ACLY: variants seen among roughly 807,000 people sequenced by gnomAD.
ACLY encodes ATP-citrate synthase.
Under a neutral mutation model 133.0 loss-of-function variants are expected in ACLY, and 41 were observed. The ratio of observed to expected loss-of-function variants is 0.31; its 90% CI spans 0.24 to 0.40. The LOEUF (loss-of-function observed/expected upper bound fraction) is 0.40, where lower values mean the gene tolerates loss of function less well. ACLY is among the 10% of genes least tolerant of loss of function. ACLY has a pLI of 1.00. For missense variants in ACLY, 1,046 were observed against 1,453.8 expected, an observed-to-expected ratio of 0.72 and a Z score of 4.56; for synonymous variants, 495 against 549.3, an observed-to-expected ratio of 0.90 and a Z score of 1.38.
intron 10 of ACLY, among the ~76,000 whole-genome samples, chr17:41,904,116 G>A (rs2049622461): frequency 7.0e-6 from 1 of 143,608 alleles, no homozygotes; most frequent in African/African-American, 2.6e-5. Context: ...AAACTCCATG[G>A]AAGGAAGAAA....
chr17:41,896,841 T>C (rs2049382497), intron 13 of ACLY, among the ~76,000 whole-genome samples, 192 bp from the exon 14 acceptor site: 2 of 152,096 alleles, frequency 1.3e-5, no homozygotes, highest in South Asian at 4.1e-4. Context: ...ATGAGCAGAA[T>C]GGAAGCAAGA....
chr17:41,888,505 C>T lies in ACLY; in HGVS notation c.1771-802G>A, dbSNP rs143307937. On this transcript the variant is annotated intron_variant, in intron 16 of 28. Coordinates refer to ENST00000352035, the MANE Select transcript of ACLY (RefSeq NM_001096.3). The stretch of plus-strand genomic sequence containing the variant: ...GCTGCTTCTACACTCAGCCCAGAGG[C>T]GGGGTGGGAGGGGCATGGGACAGAT... 2.2e-4 allele frequency among the ~76,000 whole-genome samples: 34 copies of T among 152,252 alleles called. No homozygotes were observed. The East Asian group carries it at 3.1e-3, about 14-fold the overall frequency.
intron 26 of ACLY, 61 bp from the exon 27 acceptor site, chr17:41,869,186 T>G: frequency 6.8e-7 from 1 of 1,465,556 alleles, no homozygotes; most frequent in South Asian, 1.2e-5. Flanking sequence ...TTCATAATTT[T>G]CCACTGTCAC....
At chr17:41,906,146 C>A (rs2049710524) in intron 8 of ACLY, among the ~76,000 whole-genome samples, 1 of 152,070 alleles carries the variant, frequency 6.6e-6, no homozygotes, top group Non-Finnish European at 1.5e-5. Context: ...TTCTATAAAG[C>A]AAAGAGTATA....
chr17:41,913,865 G>A lies in ACLY; in HGVS notation c.9C>T (p.Ala3=), dbSNP rs782232960. Residue 3 remains alanine, a synonymous_variant, in exon 2 of 29, where the codon GCC becomes GCT. Transcript: ENST00000352035. ...TGCCCGTCTGCTCTGAAATTGCCTTGGCCGACATGGCTGCAGAGAGACCTG... is the reference window on the plus strand; with the variant it reads ...TGCCCGTCTGCTCTGAAATTGCCTTAGCCGACATGGCTGCAGAGAGACCTG... MS[A]KAISEQTGKE... The A allele has an allele frequency of 1.9e-6, 3 of 1,614,212 alleles. No homozygotes were observed. Among genetic ancestry groups the A allele is most frequent in the Non-Finnish European group, 1.7e-6 (2 of 1,180,038 alleles).
At position 41,879,408 on chromosome 17, in the gene ACLY, C is replaced by A. The variant is rs565819309; in HGVS notation, c.2266-484G>T. Among the ~76,000 whole-genome samples, 14 of 149,098 alleles carry A rather than the reference C, an allele frequency of 9.4e-5. No homozygotes were observed. In the East Asian group the frequency reaches 2.0e-3, roughly 21 times the overall value. On this transcript the variant is annotated intron_variant, in intron 20 of 28. Coordinates refer to ENST00000352035, the MANE Select transcript of ACLY (RefSeq NM_001096.3). The stretch of plus-strand genomic sequence containing the variant: ...GGTGTGAGCCACCACGCCTGCCCCC[C>A]CCGCCTTTTTTTTTTTTTTTTTTTT...
chr17:41,881,121 G>C (rs983980126), intron 20 of ACLY, among the ~76,000 whole-genome samples: 5 of 151,722 alleles, frequency 3.3e-5, no homozygotes, highest in African/African-American at 9.7e-5. Context: ...TGGAGTTGGG[G>C]GAGAGCACTC....
At chr17:41,898,944 C>T (rs1222210761) in intron 11 of ACLY, among the ~76,000 whole-genome samples, 159 bp from the exon 12 acceptor site, 1 of 152,206 alleles carries the variant, frequency 6.6e-6, no homozygotes, top group Non-Finnish European at 1.5e-5. Flanking sequence ...ATTTCACCAC[C>T]AGACAAATCT....
In ACLY at chr17:41,918,172, G is replaced by A. The variant is rs2050105039; in HGVS notation, c.-24+708C>T. ...CCCCTTGAGGACCTTTCCCCGGCCA[G>A]ACTTGGCGTCAGCTCAAGGGTGGGG... On this transcript the variant is annotated intron_variant, in intron 1 of 28. Coordinates refer to ENST00000352035, the MANE Select transcript of ACLY (RefSeq NM_001096.3). Among the ~76,000 whole-genome samples the A allele has an allele frequency of 2.6e-5, 4 of 152,324 alleles. No individual in the cohort carries two copies. In the South Asian group the frequency reaches 6.2e-4, roughly 24 times the overall value.
At position 41,912,457 on chromosome 17, in the gene ACLY, T is replaced by G. The variant is rs782796774; in HGVS notation, c.245A>C (p.Lys82Thr). The G allele has an allele frequency of 6.2e-7, 1 of 1,614,234 alleles. No homozygotes were observed. The highest frequency in any genetic ancestry group is 8.5e-7 in the Non-Finnish European group (1 of 1,180,036). Reference sequence around the variant, plus strand: ...TCCCAGCCGTGGCTTCAGCCAGGACTTGACCCCATCCAGAGTGAGGTTGAC... The same window carrying G: ...TCCCAGCCGTGGCTTCAGCCAGGACGTGACCCCATCCAGAGTGAGGTTGAC... ...VGVNLTLDGVKSWLKPRLGQE... is the reference protein window; with the variant it reads ...VGVNLTLDGVTSWLKPRLGQE... Residue 82 changes from lysine (K) to threonine (T), a missense_variant, in exon 3 of 29, where the codon AAG becomes ACG. By Grantham distance (78) the Lys-to-Thr change is moderately conservative. This residue lies in a region of ACLY where 227 missense variants were observed against 245.6 expected (regional missense o/e 0.92). Coordinates refer to ENST00000352035, the MANE Select transcript of ACLY (RefSeq NM_001096.3).
At chr17:41,898,904 A>T in intron 11 of ACLY, 119 bp from the exon 12 acceptor site, 2 of 985,708 alleles carry the variant, frequency 2.0e-6, no homozygotes, top group Non-Finnish European at 2.9e-6. Context: ...TCAGTGCAAG[A>T]CCAATATCCA....
chr17:41,930,469 C>A lies in ACLY; in HGVS notation c.-139G>T, dbSNP rs191104295. ...GCAACTCCAGAGAGAACCGCCAGAG[C>A]GTGCAACAGCAAACACTAACCAGCC... On this transcript the variant is annotated 5_prime_UTR_variant, in exon 1 of 4. Coordinates refer to the ACLY transcript ENST00000592970. 189 of 426,472 alleles carry A rather than the reference C, an allele frequency of 4.4e-4. 1 individual carries two copies. Among genetic ancestry groups the A allele is most frequent in the African/African-American group, 1.4e-3 (72 of 49,776 alleles). 26.4% of individuals were successfully genotyped at this position (426,472 alleles called of 1,614,324 possible).
At chr17:41,904,539 ACAGCGCAGATGGG>A in intron 10 of ACLY, 177 bp downstream of exon 10, 1 of 597,506 alleles carries the variant, frequency 1.7e-6, no homozygotes, top group East Asian at 2.8e-5. Context: ...CCAGAGACAC[ACAGCGCAGATGGG>A]CAGCTCCTGT....
At chr17:41,890,322 A>AT (rs1199112356) in intron 16 of ACLY, among the ~76,000 whole-genome samples, 1 of 151,288 alleles carries the variant, frequency 6.6e-6, no homozygotes, top group Admixed American at 6.6e-5. Context: ...AATATGTAAT[A>AT]TTTTTATAAT....
chr17:41,912,362 G>A, intron 3 of ACLY, 58 bp downstream of exon 3: 2 of 1,594,304 alleles, frequency 1.3e-6, no homozygotes, highest in Admixed American at 1.7e-5. Context: ...CTGACCTGGA[G>A]GTGACCATAT....
chr17:41,926,881 T>A (rs2050249956), intron 1 of ACLY, among the ~76,000 whole-genome samples: 1 of 151,862 alleles, frequency 6.6e-6, no homozygotes, highest in Non-Finnish European at 1.5e-5. Context: ...TTTGGTCTTT[T>A]TTTTGAGATG....
At chr17:41,901,329 T>C (rs1452869785) in intron 11 of ACLY, among the ~76,000 whole-genome samples, 2 of 152,108 alleles carry the variant, frequency 1.3e-5, no homozygotes, top group Non-Finnish European at 2.9e-5. Flanking sequence ...TCCCTTTCCC[T>C]GCTTTGTTTT....
upstream of ACLY, among the ~76,000 whole-genome samples, chr17:41,923,959 C>T (rs2050211649): frequency 6.6e-6 from 1 of 151,524 alleles, no homozygotes; most frequent in Non-Finnish European, 1.5e-5. Flanking sequence ...TACAGGTGCC[C>T]GCCACCATGC....
chr17:41,903,813 G>A (rs1378446523), intron 10 of ACLY, among the ~76,000 whole-genome samples: 2 of 148,034 alleles, frequency 1.4e-5, no homozygotes, highest in Non-Finnish European at 3.0e-5. Context: ...AGAGTCTCAC[G>A]AGAGTGTTGA....
Sources: allele counts gnomAD v4.1 joint callset (sites outside exome capture counted in the v4.1 genomes callset), GRCh38; gene constraint gnomAD v4.1.1; regional missense constraint gnomAD v4.1.1; transcripts MANE v1.5; gene names NCBI Gene and HGNC (gene_info 2026-07-23, HGNC 2026-07-21).